The following PCTP variants were observed in gnomAD, a reference collection of about 807,000 sequenced individuals.
PCTP encodes the protein START domain-containing protein 2.
PCTP carries 27 observed loss-of-function variants against 31.0 expected under a neutral mutation model. The ratio of observed to expected loss-of-function variants is 0.87; its 90% CI spans 0.64 to 1.20. The LOEUF is 1.20. PCTP is among the 50% of genes most tolerant of loss of function. The probability of loss-of-function intolerance (pLI) is 0.00; values close to 1 mark genes in which losing one functional copy is unlikely to be tolerated. For missense variants in PCTP, 287 were observed against 268.2 expected, an observed-to-expected ratio of 1.07 and a Z score of -0.49; for synonymous variants, 108 against 101.2, an observed-to-expected ratio of 1.07 and a Z score of -0.40.
At chr17:55,758,978 A>AG (rs1910195868) in intron 1 of PCTP, among the ~76,000 whole-genome samples, 2 of 152,210 alleles carry the variant, frequency 1.3e-5, no homozygotes, top group African/African-American at 4.8e-5. Flanking sequence ...TATTAATAAA[A>AG]CAAAACACTG....
At chr17:55,817,427 T>C (rs1435992756) in intron 3 of PCTP, among the ~76,000 whole-genome samples, 1 of 152,254 alleles carries the variant, frequency 6.6e-6, no homozygotes, top group East Asian at 1.9e-4. Context: ...CAAGTTATTA[T>C]TTTGTTTAAT....
chr17:55,759,559 G>T (rs1910231260), intron 1 of PCTP, among the ~76,000 whole-genome samples: 1 of 152,150 alleles, frequency 6.6e-6, no homozygotes, highest in South Asian at 2.1e-4. Flanking sequence ...AAAGTGGATG[G>T]ACTTGGACAG....
intron 5 of PCTP, among the ~76,000 whole-genome samples, chr17:55,842,000 A>C (rs900431829): frequency 5.9e-5 from 9 of 152,338 alleles, no homozygotes; most frequent in Middle Eastern, 3.4e-3. Context: ...AAAATATATA[A>C]GTACACCTCC....
At chr17:55,802,480 T>C (rs1013865784) in intron 3 of PCTP, among the ~76,000 whole-genome samples, 2 of 152,200 alleles carry the variant, frequency 1.3e-5, no homozygotes, top group African/African-American at 4.8e-5. Flanking sequence ...AATAAAATAC[T>C]GGCAAACCAA....
At chr17:55,825,276 T>C (rs2145070109), downstream of PCTP, among the ~76,000 whole-genome samples, 1 of 152,332 alleles carries the variant, frequency 6.6e-6, no homozygotes, top group South Asian at 2.1e-4. Flanking sequence ...CTTTAAAATT[T>C]TGTGAGTCTC....
At chr17:55,760,284 C>T (rs1438153422) in intron 1 of PCTP, among the ~76,000 whole-genome samples, 1 of 152,132 alleles carries the variant, frequency 6.6e-6, no homozygotes, top group Non-Finnish European at 1.5e-5. Context: ...GTTCTGAATC[C>T]CAGTTCTTTA....
intron 3 of PCTP, among the ~76,000 whole-genome samples, chr17:55,804,199 A>G (rs1455685255): frequency 1.3e-5 from 2 of 152,244 alleles, no homozygotes; most frequent in Non-Finnish European, 2.9e-5. Flanking sequence ...GCGATCATTA[A>G]AAAGTCAGGA....
downstream of PCTP, among the ~76,000 whole-genome samples, chr17:55,779,021 C>T (rs1225859974): frequency 6.6e-6 from 1 of 152,150 alleles, no homozygotes; most frequent in African/African-American, 2.4e-5. Context: ...TCCAACCTCC[C>T]ACTTCCTAGC....
chr17:55,786,658 G>A (rs1026587408), intron 2 of PCTP, among the ~76,000 whole-genome samples: 2 of 151,948 alleles, frequency 1.3e-5, no homozygotes, highest in Admixed American at 6.5e-5. Context: ...TATCTCTTTG[G>A]GTGTAAGTTC....
chr17:55,801,511 A>C (rs1345695017), intron 3 of PCTP, among the ~76,000 whole-genome samples: 1 of 152,172 alleles, frequency 6.6e-6, no homozygotes, highest in Admixed American at 6.5e-5. Context: ...CATAACAAAC[A>C]GTCTCTCAGA....
At chr17:55,846,621 G>A (rs867807124), downstream of PCTP, among the ~76,000 whole-genome samples, 9 of 152,200 alleles carry the variant, frequency 5.9e-5, no homozygotes, top group Admixed American at 3.3e-4. Flanking sequence ...TACTGCCATA[G>A]AATGGCTGTT....
intron 2 of PCTP, among the ~76,000 whole-genome samples, chr17:55,787,317 G>A (rs1010738475): frequency 2.0e-5 from 3 of 151,150 alleles, no homozygotes; most frequent in African/African-American, 7.3e-5. Context: ...TGTGTGTGTA[G>A]TAATATTTTA....
At chr17:55,797,795 C>G (rs1912233616) in intron 3 of PCTP, among the ~76,000 whole-genome samples, 2 of 151,956 alleles carry the variant, frequency 1.3e-5, no homozygotes, top group African/African-American at 4.8e-5. Context: ...TCCAGAAACT[C>G]AAATTATTGC....
downstream of PCTP, among the ~76,000 whole-genome samples, chr17:55,843,546 C>T (rs373177196): frequency 3.0e-4 from 46 of 152,326 alleles, no homozygotes; most frequent in African/African-American, 1.1e-3. Context: ...CTAGAACATT[C>T]TTCCTGCCCT....
intron 2 of PCTP, chr17:55,768,811 A>G (rs566517577): frequency 6.1e-4 from 93 of 152,252 alleles, no homozygotes; most frequent in African/African-American, 2.2e-3. Flanking sequence ...TCACACAGGG[A>G]CTTCTCCTGC....
At chr17:55,811,643 A>G (rs1408082127) in intron 3 of PCTP, among the ~76,000 whole-genome samples, 1 of 152,214 alleles carries the variant, frequency 6.6e-6, no homozygotes, top group East Asian at 1.9e-4. Flanking sequence ...CCTTGGCTGG[A>G]CAGCTTCACT....
chr17:55,812,836 T>C (rs990357646), intron 3 of PCTP, among the ~76,000 whole-genome samples: 21 of 152,206 alleles, frequency 1.4e-4, no homozygotes, highest in African/African-American at 4.8e-4. Context: ...GCTTTGGGAA[T>C]TCACAGCCCT....
rs1424203300 is a variant in PCTP, at chr17:55,777,107, T to G, written c.*1007T>G. The G allele has an allele frequency of 1.0e-6, 1 of 985,766 alleles. No individual in the cohort carries two copies. The highest frequency in any genetic ancestry group is 1.1e-4 in the East Asian group (1 of 8,830). The allele number at this position is 985,766 out of a possible 1,614,324, so 61.1% of individuals were successfully genotyped here. On this transcript the variant is annotated 3_prime_UTR_variant, in exon 6 of 6. Coordinates refer to ENST00000268896, the MANE Select transcript of PCTP (RefSeq NM_021213.4). ...GAATTCTGCCTAAGTTGTCTGCCTT[T>G]TCTACCACCAAAAAGACTTTTAGTT...
At chr17:55,848,142 C>T in the PCTP span, among the ~76,000 whole-genome samples, 1 of 152,106 alleles carries the variant, frequency 6.6e-6, no homozygotes, top group East Asian at 1.9e-4. Flanking sequence ...CCAGGCTGCT[C>T]CTGAACTCTT....
Sources: allele counts gnomAD v4.1 joint callset (sites outside exome capture counted in the v4.1 genomes callset), GRCh38; gene constraint gnomAD v4.1.1; transcripts MANE v1.5; gene names NCBI Gene and HGNC (gene_info 2026-07-23, HGNC 2026-07-21).